The following CTDSPL variants were observed in gnomAD, a reference collection of about 807,000 sequenced individuals.
CTDSPL encodes the protein CTD small phosphatase like.
A neutral mutation model predicts 30.5 loss-of-function variants in CTDSPL; 8 were observed. That is an observed-to-expected ratio of 0.26 (90% CI 0.15 to 0.47). CTDSPL has a LOEUF of 0.47. CTDSPL is among the 20% of genes least tolerant of loss of function. CTDSPL has a pLI of 0.99. For synonymous variants in CTDSPL, 110 were observed against 137.9 expected (o/e 0.80, Z 1.42); for missense variants, 248 against 366.1 (o/e 0.68, Z 2.63).
intron 7 of CTDSPL, among the ~76,000 whole-genome samples, chr3:37,976,234 T>C (rs1006450831): frequency 3.9e-5 from 6 of 152,188 alleles, no homozygotes; most frequent in Non-Finnish European, 7.4e-5. Context: ...AGTATTGTTA[T>C]TGACAAGGGT....
chr3:37,966,659 TA>T (rs1334857681), intron 4 of CTDSPL, among the ~76,000 whole-genome samples: 2 of 152,252 alleles, frequency 1.3e-5, no homozygotes, highest in Non-Finnish European at 2.9e-5. Flanking sequence ...ACAGTGATCA[TA>T]AGCTAAGTGC....
chr3:37,949,263 C>T (rs966078848), intron 2 of CTDSPL, among the ~76,000 whole-genome samples: 3 of 152,150 alleles, frequency 2.0e-5, no homozygotes, highest in African/African-American at 7.2e-5. Flanking sequence ...GAAAATTTGG[C>T]AATATCATCT....
chr3:37,932,288 C>T (rs1240359861), intron 1 of CTDSPL, among the ~76,000 whole-genome samples: 4 of 152,066 alleles, frequency 2.6e-5, no homozygotes, highest in Non-Finnish European at 4.4e-5. Flanking sequence ...AATAGTATAT[C>T]GTATTAGAAT....
At chr3:37,929,471 G>A (rs879298110) in intron 1 of CTDSPL, among the ~76,000 whole-genome samples, 18 of 152,050 alleles carry the variant, frequency 1.2e-4, no homozygotes, top group African/African-American at 3.4e-4. Flanking sequence ...GCAATGTTTC[G>A]TAGTTTTCAG....
At chr3:37,905,262 C>A (rs189386435) in intron 1 of CTDSPL, among the ~76,000 whole-genome samples, 4 of 152,144 alleles carry the variant, frequency 2.6e-5, no homozygotes, top group African/African-American at 9.7e-5. Context: ...GGGAAGCCTG[C>A]CTTACTTCAT....
rs781298323 is a variant in CTDSPL, at chr3:37,869,683, G to C, written c.79+7405G>C. 1.8e-4 allele frequency among the ~76,000 whole-genome samples: 27 copies of C among 152,042 alleles called. 1 individual carries two copies. Among genetic ancestry groups the C allele is most frequent in the Non-Finnish European group, 3.7e-4 (25 of 67,954 alleles). On this transcript the variant is annotated intron_variant, in intron 1 of 7. Transcript: ENST00000273179. ...TAGTGAGAATGGACATCCTTGTCTT[G>C]GTCCCAGTCTTAGGGGGAAACCATT...
intron 1 of CTDSPL, among the ~76,000 whole-genome samples, chr3:37,887,633 A>G (rs997593733): frequency 6.6e-6 from 1 of 152,230 alleles, no homozygotes; most frequent in African/African-American, 2.4e-5. Context: ...ATGCATGTGA[A>G]GCGCTTAAAA....
At chr3:37,897,307 A>C (rs533262355) in intron 1 of CTDSPL, among the ~76,000 whole-genome samples, 2 of 152,290 alleles carry the variant, frequency 1.3e-5, no homozygotes, top group South Asian at 4.1e-4. Flanking sequence ...TATAGGGGGA[A>C]GCTTACCAAG....
Position 37,862,153 on chromosome 3 carries a change from G to C in CTDSPL, c.-47G>C. 1.0e-6 allele frequency: 1 copy of C among 984,580 alleles called. No homozygotes were observed. Among genetic ancestry groups the C allele is most frequent in the Non-Finnish European group, 1.2e-6 (1 of 826,226 alleles). 61.0% of individuals were successfully genotyped at this position (984,580 alleles called of 1,614,324 possible). ...CCCCGCGCCGCGCCCCCGCGCGCTT[G>C]GCTTGCGGGGGGCCGGGCCTGCGGG... is the stretch of plus-strand genomic sequence containing the variant. On this transcript the variant is annotated 5_prime_UTR_variant, in exon 1 of 8. Coordinates refer to ENST00000273179, the MANE Select transcript of CTDSPL (RefSeq NM_001008392.2). The surrounding 1 kb of genome is among the most constrained non-coding windows in gnomAD (Gnocchi z 4.3).
Position 37,862,196 on chromosome 3 carries a change from A to G in CTDSPL, c.-4A>G. ...CCTGCGGGCGGCCGCCGCGCCGCGC[A>G]CCCATGGACGGCCCGGCCATCATCA... On this transcript the variant is annotated 5_prime_UTR_variant, in exon 1 of 8. Coordinates refer to ENST00000273179, the MANE Select transcript of CTDSPL (RefSeq NM_001008392.2). The surrounding 1 kb of genome is among the most constrained non-coding windows in gnomAD (Gnocchi z 4.3). 1 of 1,227,010 alleles carries G rather than the reference A, an allele frequency of 8.1e-7. No homozygotes were observed. Among genetic ancestry groups the G allele is most frequent in the Non-Finnish European group, 1.0e-6 (1 of 979,546 alleles). 76.0% of individuals were successfully genotyped at this position (1,227,010 alleles called of 1,614,324 possible). A position where few individuals can be genotyped will look rare whatever the true frequency, so the allele number is the denominator to read the frequency against.
intron 6 of CTDSPL, among the ~76,000 whole-genome samples, chr3:37,973,416 C>T (rs1484314421): frequency 4.6e-5 from 7 of 152,226 alleles, no homozygotes; most frequent in East Asian, 1.9e-4. Flanking sequence ...CATCCTTGTT[C>T]GGTTACTCTT....
chr3:37,928,413 T>C (rs1210198431), intron 1 of CTDSPL, among the ~76,000 whole-genome samples: 1 of 152,256 alleles, frequency 6.6e-6, no homozygotes, highest in African/African-American at 2.4e-5. Context: ...CTGTTTTTGA[T>C]GGTGGCCAGC....
At position 37,913,052 on chromosome 3, in the gene CTDSPL, A is replaced by G. The variant is rs553373576; in HGVS notation, c.80-34005A>G. ...AAAACAGTATTTGGCCAGATGTGGC[A>G]GCTCACACCTGTAATTCCAGCGCTT... On this transcript the variant is annotated intron_variant, in intron 1 of 7. Transcript: ENST00000273179. Among the ~76,000 whole-genome samples, 3 of 152,316 alleles carry G rather than the reference A, an allele frequency of 2.0e-5. No homozygotes were observed. The South Asian group carries it at 6.2e-4, about 32-fold the overall frequency.
chr3:37,935,077 C>T (rs1698899728), intron 1 of CTDSPL, among the ~76,000 whole-genome samples: 1 of 152,244 alleles, frequency 6.6e-6, no homozygotes, highest in African/African-American at 2.4e-5. Flanking sequence ...TAATGATCAT[C>T]TCTTGTGGCT....
intron 1 of CTDSPL, among the ~76,000 whole-genome samples, chr3:37,905,629 A>T (rs1386796499): frequency 6.6e-6 from 1 of 152,192 alleles, no homozygotes; most frequent in African/African-American, 2.4e-5. Context: ...GCACTGCAGA[A>T]GTGCAGACAT....
intron 7 of CTDSPL, among the ~76,000 whole-genome samples, chr3:37,979,451 AACT>A (rs913880106): frequency 6.6e-6 from 1 of 152,114 alleles, no homozygotes; most frequent in African/African-American, 2.4e-5. Flanking sequence ...AAAATACAAA[AACT>A]AGCTGGGCAT....
intron 1 of CTDSPL, among the ~76,000 whole-genome samples, chr3:37,934,868 G>A (rs929114668): frequency 1.3e-5 from 2 of 152,136 alleles, no homozygotes; most frequent in Non-Finnish European, 2.9e-5. Context: ...ATTATTAGAG[G>A]CCTATTTTAT....
intron 2 of CTDSPL, among the ~76,000 whole-genome samples, chr3:37,955,607 C>T (rs774716015): frequency 1.3e-5 from 2 of 152,050 alleles, no homozygotes; most frequent in South Asian, 2.1e-4. Flanking sequence ...AACCAAATAC[C>T]GCACGTTCTC....
chr3:37,934,957 C>G lies in CTDSPL; in HGVS notation c.80-12100C>G, dbSNP rs111928928. ...TCCCTGTACCCCTGGAGCCTACCCT[C>G]CAGAGCTTGTACAGACATTCATTAC... On this transcript the variant is annotated intron_variant, in intron 1 of 7. Coordinates refer to ENST00000273179, the MANE Select transcript of CTDSPL (RefSeq NM_001008392.2). Among the ~76,000 whole-genome samples the G allele has an allele frequency of 8.3e-3, 1,253 of 151,364 alleles. 9 individuals are homozygous for G. The highest frequency in any genetic ancestry group is 0.013 in the Non-Finnish European group (879 of 67,738).
Sources: allele counts gnomAD v4.1 joint callset (sites outside exome capture counted in the v4.1 genomes callset), GRCh38; gene constraint gnomAD v4.1.1; non-coding constraint Gnocchi (gnomAD v3.1); transcripts MANE v1.5; gene names NCBI Gene and HGNC (gene_info 2026-07-23, HGNC 2026-07-21).